The following FHIT variants were observed in gnomAD, a reference collection of about 807,000 sequenced individuals.
FHIT encodes the protein bis(5'-adenosyl)-triphosphatase.
Under a neutral mutation model 17.9 loss-of-function variants are expected in FHIT, and 19 were observed. The observed-to-expected ratio is 1.06, with a 90% confidence interval of 0.74 to 1.56. FHIT has a LOEUF of 1.56. FHIT is among the 40% of genes most tolerant of loss of function. The pLI, the probability that FHIT is intolerant of heterozygous loss-of-function variation, is 0.00. For missense variants in FHIT, 248 were observed against 189.2 expected (o/e 1.31, Z -1.82); for synonymous variants, 81 against 69.7 (o/e 1.16, Z -0.81).
chr3:60,851,470 C>G (rs35948190), intron 3 of FHIT, among the ~76,000 whole-genome samples: 3,066 of 152,248 alleles, frequency 0.02, 50 homozygotes, highest in Middle Eastern at 0.037. Context: ...CAGAACCCAT[C>G]TCACATTTTC....
intron 7 of FHIT, among the ~76,000 whole-genome samples, chr3:59,984,093 G>A (rs990692496): frequency 6.6e-6 from 1 of 151,984 alleles, no homozygotes; most frequent in Non-Finnish European, 1.5e-5. Flanking sequence ...ATATTCCAAG[G>A]TGAAACTCAG....
chr3:60,435,387 T>C (rs1024572196), intron 5 of FHIT, among the ~76,000 whole-genome samples: 6 of 152,074 alleles, frequency 3.9e-5, no homozygotes, highest in African/African-American at 1.2e-4. Context: ...CCTGATGTGA[T>C]TGAGGAGTTG....
chr3:60,406,209 G>A (rs9881653), intron 5 of FHIT, among the ~76,000 whole-genome samples: 8,368 of 152,250 alleles, frequency 0.055, 764 homozygotes, highest in African/African-American at 0.19. Context: ...AAATGATTAT[G>A]TGCATAAGGC....
chr3:59,839,680 A>G (rs1701461672), intron 8 of FHIT, among the ~76,000 whole-genome samples: 1 of 152,068 alleles, frequency 6.6e-6, no homozygotes, highest in East Asian at 1.9e-4. Flanking sequence ...GGGAAGATCT[A>G]CTTCAATCCC....
intron 4 of FHIT, among the ~76,000 whole-genome samples, chr3:60,566,507 G>C (rs1279517618): frequency 6.6e-6 from 1 of 152,116 alleles, no homozygotes. Flanking sequence ...ATATTATACT[G>C]AATGGGCAAA....
intron 2 of FHIT, among the ~76,000 whole-genome samples, chr3:61,042,460 A>T (rs2033565801): frequency 6.6e-6 from 1 of 152,192 alleles, no homozygotes; most frequent in Non-Finnish European, 1.5e-5. Context: ...CCATGAGCTG[A>T]TTATTTTTAA....
At chr3:60,861,827 G>T (rs1270499697) in intron 3 of FHIT, among the ~76,000 whole-genome samples, 2 of 151,754 alleles carry the variant, frequency 1.3e-5, no homozygotes, top group African/African-American at 4.8e-5. Context: ...GCTAGTTTGT[G>T]TAGTCCCAGC....
intron 1 of FHIT, among the ~76,000 whole-genome samples, chr3:61,202,367 G>A (rs951079831): frequency 5.3e-5 from 8 of 151,558 alleles, no homozygotes; most frequent in African/African-American, 9.7e-5. Flanking sequence ...GCCTCTGCCC[G>A]GCTGCCCAAC....
At chr3:60,522,941 A>G (rs2035428959) in intron 5 of FHIT, among the ~76,000 whole-genome samples, 1 of 152,196 alleles carries the variant, frequency 6.6e-6, no homozygotes, top group Non-Finnish European at 1.5e-5. Flanking sequence ...ATAGACTCAT[A>G]GTTCCACGTG....
intron 8 of FHIT, among the ~76,000 whole-genome samples, chr3:59,902,160 C>T (rs1412626118): frequency 6.6e-6 from 1 of 152,100 alleles, no homozygotes; most frequent in African/African-American, 2.4e-5. Flanking sequence ...GGATATTTTT[C>T]CGAAGGGGAC....
intron 5 of FHIT, among the ~76,000 whole-genome samples, chr3:60,164,364 C>T (rs1576232643): frequency 6.6e-6 from 1 of 152,210 alleles, no homozygotes; most frequent in Non-Finnish European, 1.5e-5. Context: ...TCAAGTATTG[C>T]CATGCAGCCA....
At chr3:61,079,134 T>C (rs1172649434) in intron 2 of FHIT, among the ~76,000 whole-genome samples, 2 of 152,214 alleles carry the variant, frequency 1.3e-5, no homozygotes, top group Non-Finnish European at 2.9e-5. Context: ...TCATAATTTA[T>C]CCTTGTGACA....
At chr3:60,204,041 G>C (rs34661857) in intron 5 of FHIT, among the ~76,000 whole-genome samples, 44,861 of 151,956 alleles carry the variant, frequency 0.3, 6,946 homozygotes, top group African/African-American at 0.38. Context: ...GGTGATTATA[G>C]TAAATAATTT....
chr3:60,788,277 T>G, intron 4 of FHIT, among the ~76,000 whole-genome samples: 1 of 151,884 alleles, frequency 6.6e-6, no homozygotes, highest in South Asian at 2.1e-4. Context: ...GGCAACAGAG[T>G]GAGACCCTAT....
intron 8 of FHIT, among the ~76,000 whole-genome samples, chr3:59,859,127 A>G (rs1341214793): frequency 6.6e-6 from 1 of 152,204 alleles, no homozygotes; most frequent in Non-Finnish European, 1.5e-5. Flanking sequence ...ATCCTGGAGC[A>G]TCTTTTTTGT....
At chr3:60,012,533 T>G (rs1488848389) in intron 6 of FHIT, among the ~76,000 whole-genome samples, 2 of 152,126 alleles carry the variant, frequency 1.3e-5, no homozygotes, top group Non-Finnish European at 2.9e-5. Flanking sequence ...CCTCCCAAAG[T>G]GCTGGGATTA....
chr3:60,175,643 T>G (rs1269184469), intron 5 of FHIT, among the ~76,000 whole-genome samples: 1 of 152,142 alleles, frequency 6.6e-6, no homozygotes, highest in African/African-American at 2.4e-5. Context: ...CTGTGCACAT[T>G]TATACACATA....
chr3:60,444,216 A>G (rs2031150611), intron 5 of FHIT, among the ~76,000 whole-genome samples: 1 of 152,184 alleles, frequency 6.6e-6, no homozygotes, highest in Admixed American at 6.5e-5. Flanking sequence ...GAGGATGTGG[A>G]GAAATAGGAA....
At chr3:60,019,527 TC>T (rs1302093132) in intron 5 of FHIT, among the ~76,000 whole-genome samples, 1 of 150,796 alleles carries the variant, frequency 6.6e-6, no homozygotes, top group African/African-American at 2.4e-5. Context: ...CAAGTGATTC[TC>T]CTGCCTCAGC....
Sources: allele counts gnomAD v4.1 joint callset (sites outside exome capture counted in the v4.1 genomes callset), GRCh38; gene constraint gnomAD v4.1.1; transcripts MANE v1.5; gene names NCBI Gene and HGNC (gene_info 2026-07-23, HGNC 2026-07-21).